PAK2: variants seen among roughly 807,000 people sequenced by gnomAD.
PAK2 encodes p21 (RAC1) activated kinase 2.
A neutral mutation model predicts 65.9 loss-of-function variants in PAK2; 21 were observed. That is an observed-to-expected ratio of 0.32 (90% CI 0.23 to 0.46). The LOEUF (loss-of-function observed/expected upper bound fraction) is 0.46. Ranked by LOEUF, PAK2 falls within the 20% of genes least tolerant of loss-of-function variation. PAK2 has a pLI of 1.00. For synonymous variants in PAK2, 204 were observed against 219.7 expected, an observed-to-expected ratio of 0.93 and a Z score of 0.63; for missense variants, 324 against 642.6, an observed-to-expected ratio of 0.50 and a Z score of 5.36.
chr3:196,745,176 T>C lies in PAK2; in HGVS notation c.-22+5019T>C, dbSNP rs531874209. Among the ~76,000 whole-genome samples the C allele has an allele frequency of 4.6e-5, 7 of 151,498 alleles. No homozygotes were observed. In the East Asian group the frequency reaches 1.4e-3, roughly 29 times the overall value. ...TGTCACTCAGGCTGGAGTGCAGTGT[T>C]GGATCTCAGCTCACTGCAACTTCCG... On this transcript the variant is annotated intron_variant, in intron 1 of 14. Transcript: ENST00000327134.
chr3:196,804,469 G>GTGTTT (rs1348621498), intron 4 of PAK2, among the ~76,000 whole-genome samples: 6 of 150,374 alleles, frequency 4.0e-5, no homozygotes, highest in Admixed American at 6.6e-5. Flanking sequence ...GTGCGTGTGT[G>GTGTTT]TGTTTTGTTT....
intron 13 of PAK2, among the ~76,000 whole-genome samples, chr3:196,826,566 T>C (rs1336157940): frequency 2.0e-5 from 3 of 152,108 alleles, no homozygotes; most frequent in Non-Finnish European, 4.4e-5. Context: ...TTGAGAAACC[T>C]AAACAGGATG....
chr3:196,755,841 C>T (rs542344405), intron 1 of PAK2, among the ~76,000 whole-genome samples: 50 of 151,884 alleles, frequency 3.3e-4, no homozygotes, highest in African/African-American at 1.1e-3. Context: ...CTGCAACCTC[C>T]GCCTCCTGGG....
intron 3 of PAK2, among the ~76,000 whole-genome samples, chr3:196,802,327 G>A (rs761953810): frequency 1.3e-5 from 2 of 152,076 alleles, no homozygotes; most frequent in African/African-American, 4.8e-5. Context: ...TTTGAACCTC[G>A]GAGATGGAGG....
intron 1 of PAK2, among the ~76,000 whole-genome samples, chr3:196,779,576 T>C (rs1297067108): frequency 6.6e-6 from 1 of 152,206 alleles, no homozygotes; most frequent in African/African-American, 2.4e-5. Flanking sequence ...TGAAGGTGCA[T>C]TGGCAGTTTC....
In PAK2 at chr3:196,812,254, C is replaced by T. The variant is rs1268216361; in HGVS notation, c.809C>T (p.Ala270Val). 6.3e-7 allele frequency: 1 copy of T among 1,583,912 alleles called. No homozygotes were observed. Residue 270 changes from alanine (A) to valine (V), a missense_variant, in exon 9 of 15, where the codon GCA (alanine) becomes GTA (valine). Ala to Val is a moderately conservative substitution (Grantham distance 64). Around this residue, in one of 5 missense-constraint regions of PAK2, gnomAD observed 183 missense variants for 246.2 expected, o/e 0.74. Coordinates refer to ENST00000327134, the MANE Select transcript of PAK2 (RefSeq NM_002577.4). ...ACAGTTTTCACTGCTACTGACGTTG[C>T]ACTGGGACAGGAGGTAGTTACTTTG... ...SGTVFTATDV[A>V]LGQEVAIKQI...
intron 1 of PAK2, among the ~76,000 whole-genome samples, chr3:196,745,072 T>G (rs1030060295): frequency 6.6e-6 from 1 of 151,910 alleles, no homozygotes; most frequent in South Asian, 2.1e-4. Flanking sequence ...CAAAAAACAT[T>G]CTTATGTGTT....
intron 8 of PAK2, among the ~76,000 whole-genome samples, chr3:196,811,092 A>G (rs1715769488): frequency 6.6e-6 from 1 of 151,906 alleles, no homozygotes; most frequent in South Asian, 2.1e-4. Flanking sequence ...GTTGCTTGGA[A>G]GCAAATAAAC....
chr3:196,821,164 A>G (rs932978815), intron 13 of PAK2, among the ~76,000 whole-genome samples: 4 of 151,960 alleles, frequency 2.6e-5, no homozygotes, highest in Non-Finnish European at 4.4e-5. Flanking sequence ...TTAAATTACC[A>G]TATGTGGCTC....
chr3:196,827,599 G>A (rs1711923188), intron 14 of PAK2: 1 of 169,784 alleles, frequency 5.9e-6, no homozygotes, highest in Non-Finnish European at 1.2e-5. Flanking sequence ...ACCGGGGCCT[G>A]TTGTGGGGTG....
In PAK2 at chr3:196,807,927, C is replaced by G; in HGVS notation, c.709+13C>G. Reference sequence around the variant, plus strand: ...ATGGAGAAATTAAGTATGTTATCTACATTTTACATCATTGTTAAATTGTTC... The same window carrying G: ...ATGGAGAAATTAAGTATGTTATCTAGATTTTACATCATTGTTAAATTGTTC... On this transcript the variant is annotated intron_variant, in intron 7 of 14. Transcript: ENST00000327134. The G allele has an allele frequency of 6.3e-7, 1 of 1,582,774 alleles. No individual in the cohort carries two copies. The highest frequency in any genetic ancestry group is 8.7e-7 in the Non-Finnish European group (1 of 1,154,856).
chr3:196,762,097 T>G (rs1390885064), intron 1 of PAK2, among the ~76,000 whole-genome samples: 1 of 120,040 alleles, frequency 8.3e-6, no homozygotes, highest in African/African-American at 3.2e-5. Flanking sequence ...ACATCCCAGA[T>G]GGGGCGGCGG....
intron 2 of PAK2, among the ~76,000 whole-genome samples, chr3:196,790,897 ATGAG>A (rs879592727): frequency 6.6e-6 from 1 of 152,246 alleles, no homozygotes; most frequent in Admixed American, 6.5e-5. Flanking sequence ...TTAGGACCAC[ATGAG>A]TAAACAAGCT....
In PAK2 at chr3:196,817,464, T is replaced by C. The variant is rs558497726; in HGVS notation, c.1054-593T>C. On this transcript the variant is annotated intron_variant, in intron 11 of 14. Transcript: ENST00000327134. ...CTCCCAGGTTCAAGCGATTCTGCTATCTCAGCCTCCTGAGCAGCTGGGGTT... is the reference window on the plus strand; with the variant it reads ...CTCCCAGGTTCAAGCGATTCTGCTACCTCAGCCTCCTGAGCAGCTGGGGTT... Among the ~76,000 whole-genome samples, 73 of 152,214 alleles carry C rather than the reference T, an allele frequency of 4.8e-4. 1 individual carries two copies. In the South Asian group the frequency reaches 5.4e-3, roughly 11 times the overall value.
Position 196,791,785 on chromosome 3 carries a change from G to A in PAK2, c.187+8952G>A, listed in dbSNP as rs558125375. Among the ~76,000 whole-genome samples the A allele has an allele frequency of 6.5e-4, 99 of 152,182 alleles. No individual in the cohort carries two copies. The highest frequency in any genetic ancestry group is 2.0e-3 in the African/African-American group (84 of 41,540). ...TAAAAATACAAAAAGTTAGCCAGGC[G>A]TGGTGGCGGGCCCCTGTAGTCCCAG... On this transcript the variant is annotated intron_variant, in intron 2 of 14. Transcript: ENST00000327134. This position sits in a 1 kb window ranked among gnomAD's most constrained non-coding sequence, Gnocchi z 4.0.
chr3:196,755,214 A>G (rs368048226), intron 1 of PAK2, among the ~76,000 whole-genome samples: 1 of 152,350 alleles, frequency 6.6e-6, no homozygotes, highest in East Asian at 1.9e-4. Flanking sequence ...TAGTAACATC[A>G]GTCTTGACCT....
At chr3:196,793,630 G>GA (rs373552811) in intron 2 of PAK2, among the ~76,000 whole-genome samples, 8 of 151,704 alleles carry the variant, frequency 5.3e-5, no homozygotes, top group Admixed American at 2.6e-4. Flanking sequence ...AGTGTAAGGA[G>GA]AAAAAAAACC....
rs181854143 is a variant in PAK2 at position 196,813,819 on chromosome 3, G to A, written c.936-632G>A. ...ACAAAAATTAGCTGGGCATGGTGCC[G>A]CACACCTGTAGTCCCAGCTCCTCAG... On this transcript the variant is annotated intron_variant, in intron 10 of 14. Transcript: ENST00000327134. Among the ~76,000 whole-genome samples the A allele has an allele frequency of 4.7e-3, 712 of 150,714 alleles. 3 individuals carry two copies. The highest frequency in any genetic ancestry group is 0.016 in the African/African-American group (671 of 41,056).
chr3:196,809,442 C>G (rs1174335139), intron 7 of PAK2, among the ~76,000 whole-genome samples: 1 of 133,604 alleles, frequency 7.5e-6, no homozygotes, highest in Non-Finnish European at 1.5e-5. Flanking sequence ...CTCTCCAGTT[C>G]AAGCGTTTCT....
Sources: gnomAD v4.1 joint callset for allele counts (sites outside exome capture counted in the v4.1 genomes callset) on GRCh38, gnomAD v4.1.1 for gene constraint, gnomAD v4.1.1 regional missense constraint, Gnocchi (gnomAD v3.1) non-coding constraint, MANE v1.5 for transcripts, NCBI Gene and HGNC (gene_info 2026-07-23, HGNC 2026-07-21) for gene names.